The following PKP4 variants were observed in gnomAD, a reference collection of about 807,000 sequenced individuals.
PKP4 encodes plakophilin 4.
Under a neutral mutation model 145.1 loss-of-function variants are expected in PKP4, and 90 were observed. The ratio of observed to expected loss-of-function variants is 0.62; its 90% CI spans 0.52 to 0.74. The LOEUF (loss-of-function observed/expected upper bound fraction) is 0.74. Ranked by LOEUF, PKP4 falls within the 30% of genes least tolerant of loss-of-function variation. The probability of loss-of-function intolerance (pLI) is 0.00; values close to 1 mark genes in which losing one functional copy is unlikely to be tolerated. For missense variants in PKP4, 1,340 were observed against 1,482.7 expected (o/e 0.90, Z 1.58); for synonymous variants, 563 against 577.2 (o/e 0.98, Z 0.35).
chr2:158,599,705 A>T (rs1056648310), intron 3 of PKP4, among the ~76,000 whole-genome samples: 1 of 152,128 alleles, frequency 6.6e-6, no homozygotes, highest in African/African-American at 2.4e-5. Context: ...GAGCTATTGG[A>T]TATCAACTCA....
intron 1 of PKP4, among the ~76,000 whole-genome samples, chr2:158,530,365 A>G (rs1415555052): frequency 6.6e-6 from 1 of 152,124 alleles, no homozygotes; most frequent in Admixed American, 6.5e-5. Context: ...AGAACCCTCA[A>G]AAATGGTTCA....
At chr2:158,584,266 GC>G (rs1472259111) in intron 3 of PKP4, among the ~76,000 whole-genome samples, 2 of 152,322 alleles carry the variant, frequency 1.3e-5, no homozygotes, top group Non-Finnish European at 2.9e-5. Context: ...TGGCTCCTCA[GC>G]CAAGCACGTA....
intron 1 of PKP4, among the ~76,000 whole-genome samples, chr2:158,482,665 A>G (rs913157235): frequency 1.1e-4 from 16 of 152,102 alleles, no homozygotes; most frequent in African/African-American, 3.6e-4. Flanking sequence ...GGGAGACCCT[A>G]TCTCTACAAA....
chr2:158,676,665 A>G, intron 19 of PKP4, 74 bp from the exon 20 acceptor site: 2 of 1,549,556 alleles, frequency 1.3e-6, no homozygotes, highest in Non-Finnish European at 8.9e-7. Flanking sequence ...GTTTCTGGAG[A>G]GGATTTTCCA....
At chr2:158,665,371 T>C (rs551832785) in intron 15 of PKP4, among the ~76,000 whole-genome samples, 1 of 152,368 alleles carries the variant, frequency 6.6e-6, no homozygotes, top group Non-Finnish European at 1.5e-5. Flanking sequence ...GCATTTCATA[T>C]GCAGAATATA....
intron 3 of PKP4, among the ~76,000 whole-genome samples, chr2:158,582,555 T>C (rs2048417945): frequency 6.6e-6 from 1 of 152,204 alleles, no homozygotes; most frequent in Admixed American, 6.5e-5. Flanking sequence ...AAAACGCTAA[T>C]GAATTCCACA....
At chr2:158,473,811 A>G (rs1052820395) in intron 1 of PKP4, among the ~76,000 whole-genome samples, 4 of 152,198 alleles carry the variant, frequency 2.6e-5, no homozygotes, top group African/African-American at 9.6e-5. Context: ...TTTAAAATAC[A>G]TATATATCCA....
intron 2 of PKP4, among the ~76,000 whole-genome samples, chr2:158,558,176 C>T (rs1361731912): frequency 6.6e-6 from 1 of 152,108 alleles, no homozygotes; most frequent in African/African-American, 2.4e-5. Flanking sequence ...TTCATAGGCA[C>T]AATTACAGAG....
intron 1 of PKP4, among the ~76,000 whole-genome samples, chr2:158,514,061 C>T (rs2041739331): frequency 6.6e-6 from 1 of 152,226 alleles, no homozygotes. Flanking sequence ...TGCTAGACAG[C>T]TCTTTCAGCA....
chr2:158,528,308 T>G (rs1332577289), intron 1 of PKP4, among the ~76,000 whole-genome samples: 1 of 145,178 alleles, frequency 6.9e-6, no homozygotes, highest in Non-Finnish European at 1.5e-5. Flanking sequence ...TATGCAGCCA[T>G]AAAAAATGAT....
chr2:158,580,263 G>A (rs745395022), intron 3 of PKP4, among the ~76,000 whole-genome samples: 8 of 152,108 alleles, frequency 5.3e-5, no homozygotes, highest in Non-Finnish European at 1.0e-4. Context: ...AGTAGTTTCT[G>A]TCAGTGACTT....
chr2:158,570,203 A>C (rs1223919390), intron 2 of PKP4, among the ~76,000 whole-genome samples: 1 of 152,208 alleles, frequency 6.6e-6, no homozygotes, highest in Non-Finnish European at 1.5e-5. Flanking sequence ...GACCTTTGTA[A>C]ATATGACTAC....
chr2:158,533,205 C>A lies in PKP4; in HGVS notation c.21C>A (p.Ala7=). The part of the protein sequence containing the change: MPAPEQ[A]SLVEEGQPQT... ...GAGGAATGCCAGCTCCTGAGCAGGC[C>A]TCATTGGTGGAGGAGGGGCAACCAC... Residue 7 remains alanine (A), a synonymous_variant, in exon 2 of 22, where the codon GCC becomes GCA. Transcript: ENST00000389759. The A allele has an allele frequency of 3.1e-6, 5 of 1,613,188 alleles. No homozygotes were observed. Among genetic ancestry groups the A allele is most frequent in the Non-Finnish European group, 4.2e-6 (5 of 1,179,856 alleles).
intron 4 of PKP4, among the ~76,000 whole-genome samples, chr2:158,612,453 ATTCT>A (rs1490270385): frequency 6.6e-6 from 1 of 152,178 alleles, no homozygotes; most frequent in Non-Finnish European, 1.5e-5. Context: ...CAATGAGAAG[ATTCT>A]TTCTGCACAT....
intron 3 of PKP4, among the ~76,000 whole-genome samples, chr2:158,580,192 C>T (rs2048216941): frequency 6.6e-6 from 1 of 152,122 alleles, no homozygotes; most frequent in South Asian, 2.1e-4. Context: ...AAGGCTATAT[C>T]GTTCATTGGC....
chr2:158,546,299 T>C (rs1021788479), intron 2 of PKP4, among the ~76,000 whole-genome samples: 1 of 152,230 alleles, frequency 6.6e-6, no homozygotes, highest in African/African-American at 2.4e-5. Context: ...TTTCTTCAGA[T>C]TTTTGCTTTA....
chr2:158,621,554 T>C, intron 6 of PKP4, 133 bp downstream of exon 6: 2 of 664,494 alleles, frequency 3.0e-6, no homozygotes, highest in South Asian at 2.0e-5. Flanking sequence ...AAGACCAGCC[T>C]GCCTAACATG....
At chr2:158,655,287 A>C (rs2055801609) in intron 11 of PKP4, among the ~76,000 whole-genome samples, 1 of 152,214 alleles carries the variant, frequency 6.6e-6, no homozygotes, top group Non-Finnish European at 1.5e-5. Flanking sequence ...TGGGAAGAAA[A>C]AGACAGAGCA....
chr2:158,466,975 G>A (rs566071283), intron 1 of PKP4, among the ~76,000 whole-genome samples: 40 of 152,296 alleles, frequency 2.6e-4, no homozygotes, highest in Admixed American at 1.8e-3. Flanking sequence ...AGCACATGAA[G>A]TTTTTCAAAG....
Sources: allele counts gnomAD v4.1 joint callset (sites outside exome capture counted in the v4.1 genomes callset), GRCh38; gene constraint gnomAD v4.1.1; transcripts MANE v1.5; gene names NCBI Gene and HGNC (gene_info 2026-07-23, HGNC 2026-07-21).